SEMA6D: variants seen among roughly 807,000 people sequenced by gnomAD.
SEMA6D encodes the protein semaphorin-6D.
A neutral mutation model predicts 106.6 loss-of-function variants in SEMA6D; 35 were observed. The ratio of observed to expected loss-of-function variants is 0.33; its 90% CI spans 0.25 to 0.44. SEMA6D has a LOEUF of 0.44. SEMA6D is among the 20% of genes least tolerant of loss of function. SEMA6D has a pLI of 1.00. For synonymous variants in SEMA6D, 499 were observed against 487.7 expected (o/e 1.02, Z -0.31); for missense variants, 1,185 against 1,345.9 (o/e 0.88, Z 1.87).
intron 3 of SEMA6D, among the ~76,000 whole-genome samples, chr15:47,529,806 C>G (rs1372084884): frequency 6.6e-6 from 1 of 152,098 alleles, no homozygotes. Flanking sequence ...TTTTCAAAAC[C>G]TACATTTTTC....
At chr15:47,369,518 C>A (rs958401574) in intron 1 of SEMA6D, among the ~76,000 whole-genome samples, 2 of 152,172 alleles carry the variant, frequency 1.3e-5, no homozygotes, top group Non-Finnish European at 2.9e-5. Context: ...ACTTTAAATT[C>A]TCCCATTAAA....
chr15:47,354,406 TGA>T (rs1252927101), intron 1 of SEMA6D, among the ~76,000 whole-genome samples: 7 of 144,268 alleles, frequency 4.9e-5, no homozygotes, highest in African/African-American at 1.5e-4. Flanking sequence ...ATATATGGAA[TGA>T]GAGAGCATAT....
In SEMA6D at chr15:47,612,656, A is replaced by G. The variant is rs547129784; in HGVS notation, c.-55+11760A>G. Among the ~76,000 whole-genome samples, 30 of 152,340 alleles carry G rather than the reference A, an allele frequency of 2.0e-4. 1 individual carries two copies. The South Asian group carries it at 5.8e-3, about 29-fold the overall frequency. ...TGTATCTGGGCTTAGAAAATGTGTC[A>G]GAGAGAAAGGGCTCAATGAACTTTC... On this transcript the variant is annotated intron_variant, in intron 4 of 19. Coordinates refer to the SEMA6D transcript ENST00000558014.
At chr15:47,657,920 G>A (rs1488178985) in intron 4 of SEMA6D, among the ~76,000 whole-genome samples, 2 of 150,478 alleles carry the variant, frequency 1.3e-5, no homozygotes, top group South Asian at 4.2e-4. Flanking sequence ...TTTTGTATTT[G>A]TAGTAGAGAC....
intron 3 of SEMA6D, among the ~76,000 whole-genome samples, chr15:47,579,529 T>G (rs989220240): frequency 6.6e-6 from 1 of 152,210 alleles, no homozygotes; most frequent in Admixed American, 6.5e-5. Flanking sequence ...AAGGACTGCT[T>G]CTGTTTCCTC....
intron 2 of SEMA6D, among the ~76,000 whole-genome samples, chr15:47,428,482 T>TACC (rs2041421730): frequency 5.2e-4 from 18 of 34,490 alleles, no homozygotes; most frequent in South Asian, 1.3e-3. Context: ...GTGGGTAAAA[T>TACC]GGGGCAAGGT....
chr15:47,254,065 C>T (rs1308945417), intron 1 of SEMA6D, among the ~76,000 whole-genome samples: 21 of 151,662 alleles, frequency 1.4e-4, no homozygotes, highest in Non-Finnish European at 5.9e-5. Flanking sequence ...AGAGATCTTT[C>T]ACCTCCGTGG....
At chr15:47,247,419 T>G (rs960758138) in intron 1 of SEMA6D, among the ~76,000 whole-genome samples, 6 of 151,826 alleles carry the variant, frequency 4.0e-5, no homozygotes, top group African/African-American at 1.2e-4. Flanking sequence ...GTTCCTCCTA[T>G]ATAGCAAAAG....
At chr15:47,633,111 G>T (rs2077321277) in intron 4 of SEMA6D, among the ~76,000 whole-genome samples, 1 of 152,034 alleles carries the variant, frequency 6.6e-6, no homozygotes, top group Non-Finnish European at 1.5e-5. Flanking sequence ...CACCACATCA[G>T]ATGATGTTAT....
At chr15:47,638,940 T>A (rs1282201249) in intron 4 of SEMA6D, among the ~76,000 whole-genome samples, 1 of 152,218 alleles carries the variant, frequency 6.6e-6, no homozygotes, top group Admixed American at 6.6e-5. Context: ...GGTCCCCAGC[T>A]GCAACCACTT....
chr15:47,239,183 A>G (rs2032748177), intron 1 of SEMA6D, among the ~76,000 whole-genome samples: 1 of 152,152 alleles, frequency 6.6e-6, no homozygotes, highest in Non-Finnish European at 1.5e-5. Flanking sequence ...GCAAGGAATC[A>G]AGGTTCTGGG....
intron 3 of SEMA6D, among the ~76,000 whole-genome samples, chr15:47,507,232 A>G (rs911824046): frequency 3.9e-5 from 6 of 152,182 alleles, no homozygotes; most frequent in Non-Finnish European, 5.9e-5. Flanking sequence ...AAATGAGAAG[A>G]TAGAAAAATA....
chr15:47,338,637 C>G (rs2037673508), intron 1 of SEMA6D, among the ~76,000 whole-genome samples: 1 of 152,150 alleles, frequency 6.6e-6, no homozygotes, highest in Admixed American at 6.5e-5. Context: ...ATGGACTGGA[C>G]TAGTTATTAA....
chr15:47,371,642 C>T (rs1246181499), intron 1 of SEMA6D, among the ~76,000 whole-genome samples: 1 of 152,060 alleles, frequency 6.6e-6, no homozygotes, highest in African/African-American at 2.4e-5. Flanking sequence ...TGGTACTGAG[C>T]AACTTGTTGA....
intron 9 of SEMA6D, 53 bp downstream of exon 9, chr15:47,763,157 A>G (rs1567099426): frequency 7.2e-7 from 1 of 1,386,002 alleles, no homozygotes; most frequent in Non-Finnish European, 1.0e-6. Flanking sequence ...TGAAATTGAG[A>G]CCACTGTGAT....
intron 1 of SEMA6D, among the ~76,000 whole-genome samples, chr15:47,227,768 C>A (rs2031841987): frequency 6.7e-6 from 1 of 149,930 alleles, no homozygotes. Flanking sequence ...TTCTTTTCTA[C>A]TATAATTCTA....
intron 1 of SEMA6D, among the ~76,000 whole-genome samples, chr15:47,195,448 A>G (rs1216827972): frequency 6.6e-6 from 1 of 152,202 alleles, no homozygotes; most frequent in Non-Finnish European, 1.5e-5. Flanking sequence ...TCTTTGACAT[A>G]TATAATTTTC....
intron 1 of SEMA6D, chr15:47,730,553 G>C: frequency 7.3e-7 from 1 of 1,369,188 alleles, no homozygotes; most frequent in South Asian, 1.2e-5. Flanking sequence ...TGGTCTCTTC[G>C]TGGGGACATC....
At chr15:47,221,448 A>G (rs1266464530) in intron 1 of SEMA6D, among the ~76,000 whole-genome samples, 1 of 152,176 alleles carries the variant, frequency 6.6e-6, no homozygotes, top group East Asian at 1.9e-4. Flanking sequence ...TTCTTTAAAC[A>G]GTTCCTTCAT....
Sources: allele counts gnomAD v4.1 joint callset (sites outside exome capture counted in the v4.1 genomes callset), GRCh38; gene constraint gnomAD v4.1.1; transcripts MANE v1.5; gene names NCBI Gene and HGNC (gene_info 2026-07-23, HGNC 2026-07-21).